The following SMYD3 variants were observed in gnomAD, a reference collection of about 807,000 sequenced individuals.
SMYD3 encodes histone-lysine N-methyltransferase SMYD3.
Under a neutral mutation model 57.7 loss-of-function variants are expected in SMYD3, and 36 were observed. That is an observed-to-expected ratio of 0.62 (90% CI 0.48 to 0.82). SMYD3 has a LOEUF of 0.82. Among genes scored for constraint, SMYD3 ranks in the 40% least tolerant of loss-of-function variants. The pLI is 0.00. For missense variants in SMYD3, 515 were observed against 538.8 expected, an observed-to-expected ratio of 0.96 and a Z score of 0.44; for synonymous variants, 211 against 195.0, an observed-to-expected ratio of 1.08 and a Z score of -0.68.
intron 5 of SMYD3, among the ~76,000 whole-genome samples, chr1:246,026,956 T>C (rs2059585471): frequency 6.6e-6 from 1 of 152,148 alleles, no homozygotes; most frequent in Non-Finnish European, 1.5e-5. Flanking sequence ...AAAGAAACAC[T>C]CTTGAGGGAA....
intron 8 of SMYD3, among the ~76,000 whole-genome samples, chr1:245,912,554 A>G (rs545936308): frequency 7.2e-5 from 11 of 152,144 alleles, no homozygotes; most frequent in Non-Finnish European, 1.5e-4. Context: ...CCAAGGCAAT[A>G]CCGAGCAAAA....
At chr1:245,960,749 A>AAATAAATG (rs1416148862) in intron 5 of SMYD3, among the ~76,000 whole-genome samples, 1 of 152,004 alleles carries the variant, frequency 6.6e-6, no homozygotes, top group African/African-American at 2.4e-5. Context: ...ATAAATAAAT[A>AAATAAATG]AATGGCATAA....
intron 5 of SMYD3, among the ~76,000 whole-genome samples, chr1:246,285,541 C>T (rs974619707): frequency 7.0e-6 from 1 of 143,750 alleles, no homozygotes; most frequent in Non-Finnish European, 1.5e-5. Context: ...AAAAATGCTA[C>T]AAAAAAAAAA....
chr1:245,812,054 C>G (rs1039009478), intron 10 of SMYD3, among the ~76,000 whole-genome samples: 1 of 152,108 alleles, frequency 6.6e-6, no homozygotes, highest in African/African-American at 2.4e-5. Flanking sequence ...GAATGTCATT[C>G]TGGAAGTAGG....
chr1:245,793,201 C>T (rs1004629904), intron 10 of SMYD3, among the ~76,000 whole-genome samples: 29 of 150,826 alleles, frequency 1.9e-4, no homozygotes, highest in Admixed American at 9.3e-4. Flanking sequence ...CCCAGCTACT[C>T]GGGAGGCTGA....
chr1:245,781,862 G>A (rs1011090174), intron 10 of SMYD3, among the ~76,000 whole-genome samples: 1 of 152,084 alleles, frequency 6.6e-6, no homozygotes, highest in African/African-American at 2.4e-5. Flanking sequence ...CCAGCTACTT[G>A]GGAAGCTGAA....
At chr1:245,817,296 T>A (rs1312309361) in intron 10 of SMYD3, among the ~76,000 whole-genome samples, 18 of 136,452 alleles carry the variant, frequency 1.3e-4, no homozygotes, top group Non-Finnish European at 2.0e-4. Flanking sequence ...CACTGACACC[T>A]CACATGGCAG....
chr1:246,155,511 AG>A (rs1264867343), intron 5 of SMYD3, among the ~76,000 whole-genome samples: 1 of 152,236 alleles, frequency 6.6e-6, no homozygotes, highest in Non-Finnish European at 1.5e-5. Flanking sequence ...TTACAATAAA[AG>A]GTTATCAAAC....
chr1:246,268,677 C>T (rs2064157906), intron 5 of SMYD3, among the ~76,000 whole-genome samples: 1 of 151,806 alleles, frequency 6.6e-6, no homozygotes, highest in South Asian at 2.1e-4. Flanking sequence ...GCACACCAGC[C>T]TGAGTGACAG....
At chr1:245,839,196 T>C (rs10924353) in intron 10 of SMYD3, among the ~76,000 whole-genome samples, 2 of 151,872 alleles carry the variant, frequency 1.3e-5, no homozygotes, top group Non-Finnish European at 2.9e-5. Context: ...TTTTGAGACA[T>C]TCTCGCTCTT....
chr1:246,036,226 T>A (rs755538919), intron 5 of SMYD3, among the ~76,000 whole-genome samples: 29 of 152,336 alleles, frequency 1.9e-4, no homozygotes, highest in Non-Finnish European at 3.4e-4. Flanking sequence ...TCTTATCTGA[T>A]AATTATTGAA....
chr1:246,326,919 G>A (rs188757254), intron 5 of SMYD3: 78 of 436,488 alleles, frequency 1.8e-4, no homozygotes, highest in Non-Finnish European at 3.0e-4. Context: ...ATTTTCTTCT[G>A]AGAAAAGAAA....
At chr1:246,212,134 G>A (rs1050122390) in intron 5 of SMYD3, among the ~76,000 whole-genome samples, 5 of 151,898 alleles carry the variant, frequency 3.3e-5, no homozygotes, top group Admixed American at 2.0e-4. Context: ...AAAGACACAG[G>A]GCTGGTAAAC....
chr1:246,371,355 G>A (rs2066189033), intron 1 of SMYD3, among the ~76,000 whole-genome samples: 1 of 152,136 alleles, frequency 6.6e-6, no homozygotes, highest in Non-Finnish European at 1.5e-5. Context: ...CTGCAGAAAA[G>A]GAAGTTTTTT....
At chr1:245,792,124 TTCAC>T (rs1264778047) in intron 10 of SMYD3, among the ~76,000 whole-genome samples, 4 of 152,282 alleles carry the variant, frequency 2.6e-5, no homozygotes, top group Non-Finnish European at 5.9e-5. Flanking sequence ...CATTCATTCA[TTCAC>T]TCATTCATTT....
chr1:246,216,521 A>T (rs1261151033), intron 5 of SMYD3, among the ~76,000 whole-genome samples: 2 of 152,102 alleles, frequency 1.3e-5, no homozygotes. Flanking sequence ...ATATTAGAGA[A>T]TTGTTACTAA....
At chr1:246,221,174 C>T (rs1432859108) in intron 5 of SMYD3, among the ~76,000 whole-genome samples, 7 of 152,076 alleles carry the variant, frequency 4.6e-5, no homozygotes, top group African/African-American at 1.7e-4. Context: ...ACTGAACACT[C>T]GTTGGGATGA....
At chr1:245,937,446 C>T (rs907874807) in intron 5 of SMYD3, among the ~76,000 whole-genome samples, 2 of 152,222 alleles carry the variant, frequency 1.3e-5, no homozygotes, top group African/African-American at 4.8e-5. Flanking sequence ...GTCCACTGTT[C>T]CTTCCCTGAG....
chr1:246,133,583 C>CA lies in SMYD3; in HGVS notation c.531+193617dup, dbSNP rs565993876. Among the ~76,000 whole-genome samples, 201 of 152,216 alleles carry CA rather than the reference C, an allele frequency of 1.3e-3. 1 individual carries two copies. Among genetic ancestry groups the CA allele is most frequent in the Non-Finnish European group, 2.3e-3 (159 of 67,972 alleles). On this transcript the variant is annotated intron_variant, in intron 5 of 11. Transcript: ENST00000490107. Reference sequence around the variant, plus strand: ...AAGGGGCCTGTTGCACTGCTTACCTCACCAGCAACTATCTTCTTGATATAT... The same window carrying CA: ...AAGGGGCCTGTTGCACTGCTTACCTCAACCAGCAACTATCTTCTTGATATAT...
Sources: gnomAD v4.1 joint callset for allele counts (sites outside exome capture counted in the v4.1 genomes callset) on GRCh38, gnomAD v4.1.1 for gene constraint, MANE v1.5 for transcripts, NCBI Gene and HGNC (gene_info 2026-07-23, HGNC 2026-07-21) for gene names.